The following MSRA variants were observed in gnomAD, a reference collection of about 807,000 sequenced individuals.
MSRA encodes mitochondrial peptide methionine sulfoxide reductase.
In MSRA, 54 loss-of-function variants were observed where a neutral mutation model predicts 31.3. The observed-to-expected ratio is 1.73, with a 90% CI of 1.39 to 2.17. The LOEUF is 2.17. Ranked by LOEUF, MSRA falls within the 30% of genes most tolerant of loss-of-function variation. The pLI is 0.00. For synonymous variants in MSRA, 169 were observed against 116.5 expected, an observed-to-expected ratio of 1.45 and a Z score of -2.90; for missense variants, 507 against 300.9, an observed-to-expected ratio of 1.69 and a Z score of -5.07.
chr8:10,083,932 G>A (rs886065519), intron 1 of MSRA, among the ~76,000 whole-genome samples: 1 of 152,144 alleles, frequency 6.6e-6, no homozygotes, highest in Non-Finnish European at 1.5e-5. Flanking sequence ...TCAAAGAGGG[G>A]ATTTAGGCCA....
chr8:10,214,811 C>T (rs1233536509), intron 2 of MSRA, among the ~76,000 whole-genome samples: 1 of 152,150 alleles, frequency 6.6e-6, no homozygotes, highest in African/African-American at 2.4e-5. Flanking sequence ...TCATTGGAGA[C>T]ATAGTTTAAG....
intron 4 of MSRA, among the ~76,000 whole-genome samples, chr8:10,310,447 C>T (rs1326168513): frequency 2.0e-5 from 3 of 152,200 alleles, no homozygotes; most frequent in African/African-American, 7.2e-5. Context: ...GTGTTATTTG[C>T]ACTTTTAAAT....
chr8:10,231,217 A>C (rs559992908), intron 2 of MSRA, among the ~76,000 whole-genome samples: 1 of 151,976 alleles, frequency 6.6e-6, no homozygotes, highest in East Asian at 1.9e-4. Context: ...GCAGTGAGGG[A>C]GCTGAGGCGG....
intron 2 of MSRA, among the ~76,000 whole-genome samples, chr8:10,244,455 G>T (rs1797507236): frequency 6.6e-6 from 1 of 152,156 alleles, no homozygotes; most frequent in Non-Finnish European, 1.5e-5. Context: ...CTACTTTTGT[G>T]AGTTTGTTTA....
At chr8:10,225,818 T>C (rs1178555078) in intron 2 of MSRA, among the ~76,000 whole-genome samples, 2 of 152,302 alleles carry the variant, frequency 1.3e-5, no homozygotes, top group Non-Finnish European at 1.5e-5. Flanking sequence ...AACTAGTGTT[T>C]ACTGACCATC....
chr8:10,212,254 G>T (rs528551103), intron 2 of MSRA, among the ~76,000 whole-genome samples: 1 of 151,978 alleles, frequency 6.6e-6, no homozygotes, highest in Admixed American at 6.6e-5. Flanking sequence ...GGATACATTC[G>T]AGAGTAAAAA....
intron 1 of MSRA, among the ~76,000 whole-genome samples, chr8:10,112,189 T>A (rs747390227): frequency 6.6e-6 from 1 of 152,166 alleles, no homozygotes; most frequent in Non-Finnish European, 1.5e-5. Context: ...CACAATCACG[T>A]AGGGTTTATT....
chr8:10,201,161 C>T (rs750552590), intron 1 of MSRA, among the ~76,000 whole-genome samples: 2 of 152,052 alleles, frequency 1.3e-5, no homozygotes, highest in Non-Finnish European at 2.9e-5. Context: ...GATAAATGCA[C>T]TTTACTCCAG....
chr8:10,185,611 A>G (rs1037970278), intron 1 of MSRA, among the ~76,000 whole-genome samples: 4 of 152,174 alleles, frequency 2.6e-5, no homozygotes, highest in African/African-American at 9.7e-5. Flanking sequence ...AAAGAACCAA[A>G]GAGAGAGCAA....
intron 5 of MSRA, among the ~76,000 whole-genome samples, chr8:10,389,061 T>G (rs1585654790): frequency 6.6e-6 from 1 of 152,172 alleles, no homozygotes; most frequent in East Asian, 1.9e-4. Flanking sequence ...ATTTATATCC[T>G]ACTGCTCAAG....
chr8:10,197,153 C>G (rs1212486917), intron 1 of MSRA, among the ~76,000 whole-genome samples: 1 of 152,054 alleles, frequency 6.6e-6, no homozygotes, highest in Non-Finnish European at 1.5e-5. Flanking sequence ...TCAAGATTAT[C>G]TAATTTTGGT....
intron 1 of MSRA, among the ~76,000 whole-genome samples, chr8:10,189,973 A>G (rs933823463): frequency 2.0e-5 from 3 of 151,790 alleles, no homozygotes; most frequent in Admixed American, 1.3e-4. Context: ...CAGATTTTCT[A>G]TTTCTCGTGT....
intron 5 of MSRA, among the ~76,000 whole-genome samples, chr8:10,385,812 T>TGGGGGGGGGGGGG (rs112720423): frequency 1.2e-4 from 17 of 145,852 alleles, no homozygotes; most frequent in Non-Finnish European, 2.3e-4. Flanking sequence ...TGGTGGGGGG[T>TGGGGGGGGGGGGG]GGGGTGTCTT....
At chr8:10,406,705 C>A (rs1202102301) in intron 5 of MSRA, among the ~76,000 whole-genome samples, 2 of 152,224 alleles carry the variant, frequency 1.3e-5, no homozygotes. Flanking sequence ...TAAGCCATAT[C>A]TCCCCTGCTC....
intron 1 of MSRA, among the ~76,000 whole-genome samples, chr8:10,117,285 A>C (rs967213862): frequency 2.0e-5 from 3 of 152,206 alleles, no homozygotes; most frequent in Admixed American, 6.5e-5. Context: ...AGGTTGGAGC[A>C]GAGCACTGGG....
intron 1 of MSRA, among the ~76,000 whole-genome samples, chr8:10,135,029 CTCAGCT>C (rs1324089054): frequency 2.0e-5 from 3 of 152,196 alleles, no homozygotes; most frequent in African/African-American, 7.2e-5. Context: ...AATATCTGAC[CTCAGCT>C]TTACTTTAAG....
intron 1 of MSRA, among the ~76,000 whole-genome samples, chr8:10,059,645 T>C (rs566759375): frequency 1.3e-5 from 2 of 152,282 alleles, no homozygotes; most frequent in South Asian, 4.1e-4. Flanking sequence ...GACTGATAAA[T>C]TAGATCATAT....
chr8:10,331,884 A>G (rs1802722612), intron 5 of MSRA, among the ~76,000 whole-genome samples: 1 of 152,120 alleles, frequency 6.6e-6, no homozygotes, highest in African/African-American at 2.4e-5. Context: ...TATTGTTTTT[A>G]TTCATTTATT....
At chr8:10,113,314 T>TTTTTTTTTTTGTTTTTG (rs1444952865) in intron 1 of MSRA, among the ~76,000 whole-genome samples, 1 of 125,126 alleles carries the variant, frequency 8.0e-6, no homozygotes, top group Non-Finnish European at 1.5e-5. Context: ...TTTTTTTTTT[T>TTTTTTTTTTTGTTTTTG]GGAGGTGTGT....
Sources: gnomAD v4.1 joint callset for allele counts (sites outside exome capture counted in the v4.1 genomes callset) on GRCh38, gnomAD v4.1.1 for gene constraint, MANE v1.5 for transcripts, NCBI Gene and HGNC (gene_info 2026-07-23, HGNC 2026-07-21) for gene names.